NRG1: variants seen among roughly 807,000 people sequenced by gnomAD.
NRG1 encodes the protein pro-neuregulin-1, membrane-bound isoform.
NRG1 carries 18 observed loss-of-function variants against 63.8 expected under a neutral mutation model. That is an observed-to-expected ratio of 0.28 (90% confidence interval 0.19 to 0.42). The LOEUF is 0.42. Ranked by LOEUF, NRG1 falls within the 10% of genes least tolerant of loss-of-function variation. NRG1 has a pLI of 1.00. For missense variants in NRG1, 762 were observed against 814.7 expected, an observed-to-expected ratio of 0.94 and a Z score of 0.79; for synonymous variants, 302 against 301.3, an observed-to-expected ratio of 1.00 and a Z score of -0.02.
intron 1 of NRG1, among the ~76,000 whole-genome samples, chr8:32,572,678 C>G (rs1477764422): frequency 6.6e-6 from 1 of 152,128 alleles, no homozygotes; most frequent in Admixed American, 6.6e-5. Flanking sequence ...GCATTTTCCT[C>G]TGTTGGGTAG....
chr8:32,210,180 A>C (rs1179311392), intron 1 of NRG1, among the ~76,000 whole-genome samples: 1 of 152,146 alleles, frequency 6.6e-6, no homozygotes, highest in Non-Finnish European at 1.5e-5. Flanking sequence ...TCCCTTTACA[A>C]TCCAGGACCC....
chr8:32,114,090 T>G (rs1832389128), intron 1 of NRG1, among the ~76,000 whole-genome samples: 1 of 152,218 alleles, frequency 6.6e-6, no homozygotes, highest in Admixed American at 6.5e-5. Flanking sequence ...TGGGCCAACT[T>G]GTACTAAAAT....
chr8:31,688,509 G>T (rs759265029), intron 1 of NRG1, among the ~76,000 whole-genome samples: 7 of 152,068 alleles, frequency 4.6e-5, no homozygotes, highest in African/African-American at 1.7e-4. Context: ...TCCTAGATCC[G>T]CCCAAATGGA....
chr8:32,062,562 C>T, intron 1 of NRG1, among the ~76,000 whole-genome samples: 1 of 151,938 alleles, frequency 6.6e-6, no homozygotes, highest in East Asian at 1.9e-4. Context: ...AAGAGTAGGT[C>T]ACATAGAGAG....
chr8:32,290,162 G>A (rs1374868739), intron 1 of NRG1, among the ~76,000 whole-genome samples: 4 of 152,074 alleles, frequency 2.6e-5, no homozygotes, highest in Admixed American at 6.6e-5. Flanking sequence ...GATACCTTGA[G>A]CCCAGGAGTT....
intron 1 of NRG1, among the ~76,000 whole-genome samples, chr8:32,323,594 C>T (rs1040518385): frequency 2.6e-5 from 4 of 152,240 alleles, no homozygotes; most frequent in African/African-American, 7.2e-5. Flanking sequence ...AATGATAAAA[C>T]GTTGAGTCAT....
At chr8:32,631,484 G>C (rs1017691922) in intron 5 of NRG1, among the ~76,000 whole-genome samples, 1 of 152,144 alleles carries the variant, frequency 6.6e-6, no homozygotes, top group Non-Finnish European at 1.5e-5. Flanking sequence ...GAACTTTCTA[G>C]CCTCTGCATC....
intron 1 of NRG1, among the ~76,000 whole-genome samples, chr8:32,163,979 T>C (rs1839134675): frequency 1.3e-5 from 2 of 152,066 alleles, no homozygotes; most frequent in South Asian, 4.1e-4. Flanking sequence ...CAAATCCTGA[T>C]GATGTCAATT....
chr8:32,309,699 A>G (rs1856606085), intron 1 of NRG1, among the ~76,000 whole-genome samples: 1 of 152,092 alleles, frequency 6.6e-6, no homozygotes, highest in Non-Finnish European at 1.5e-5. Context: ...GTGCATAGAT[A>G]TTGTTGCATC....
chr8:31,822,806 G>A (rs190300339), intron 1 of NRG1, among the ~76,000 whole-genome samples: 4 of 152,236 alleles, frequency 2.6e-5, no homozygotes. Context: ...AACAGTCTCA[G>A]GAGACAAATA....
chr8:31,903,682 T>C (rs1250110890), intron 1 of NRG1, among the ~76,000 whole-genome samples: 1 of 152,192 alleles, frequency 6.6e-6, no homozygotes, highest in Admixed American at 6.5e-5. Flanking sequence ...TGGCCAGGCA[T>C]GGTGGATCAC....
chr8:32,379,267 A>G (rs1351539966), intron 1 of NRG1, among the ~76,000 whole-genome samples: 1 of 152,146 alleles, frequency 6.6e-6, no homozygotes, highest in Non-Finnish European at 1.5e-5. Flanking sequence ...CTTAACTCTT[A>G]TTTAAGATAC....
At chr8:32,052,548 T>TA (rs1822163799) in intron 1 of NRG1, among the ~76,000 whole-genome samples, 1 of 152,034 alleles carries the variant, frequency 6.6e-6, no homozygotes, top group Admixed American at 6.6e-5. Flanking sequence ...TTTTCAAATC[T>TA]AAAAAAATAG....
chr8:32,688,935 A>G (rs190601836), intron 5 of NRG1, among the ~76,000 whole-genome samples: 1 of 152,304 alleles, frequency 6.6e-6, no homozygotes, highest in Non-Finnish European at 1.5e-5. Flanking sequence ...TATATTGCCT[A>G]GGCTCTGGTT....
intron 1 of NRG1, among the ~76,000 whole-genome samples, chr8:32,578,156 G>C (rs761191844): frequency 1.3e-5 from 2 of 151,942 alleles, no homozygotes; most frequent in African/African-American, 4.8e-5. Flanking sequence ...CACCACGCCC[G>C]GATAATTTTT....
chr8:32,700,280 A>G (rs1357702374), intron 5 of NRG1, among the ~76,000 whole-genome samples: 1 of 152,182 alleles, frequency 6.6e-6, no homozygotes, highest in Non-Finnish European at 1.5e-5. Context: ...AATAATAATG[A>G]AATTTCAATA....
At chr8:32,096,845 A>G (rs1282818945) in intron 1 of NRG1, among the ~76,000 whole-genome samples, 1 of 152,198 alleles carries the variant, frequency 6.6e-6, no homozygotes, top group African/African-American at 2.4e-5. Context: ...CACCTTCAAC[A>G]CTGGGAATCA....
At chr8:31,935,725 G>C (rs1240045711) in intron 1 of NRG1, among the ~76,000 whole-genome samples, 1 of 152,206 alleles carries the variant, frequency 6.6e-6, no homozygotes, top group Non-Finnish European at 1.5e-5. Context: ...TTCGAGGCCA[G>C]ACAGCAGCAT....
chr8:31,767,310 A>G (rs1309148934), intron 1 of NRG1, among the ~76,000 whole-genome samples: 1 of 152,234 alleles, frequency 6.6e-6, no homozygotes, highest in African/African-American at 2.4e-5. Context: ...ATTTGTTAAA[A>G]TGTGTGGCAG....
Sources: allele counts gnomAD v4.1 joint callset (sites outside exome capture counted in the v4.1 genomes callset), GRCh38; gene constraint gnomAD v4.1.1; transcripts MANE v1.5; gene names NCBI Gene and HGNC (gene_info 2026-07-23, HGNC 2026-07-21).